The following FGF7 variants were observed in gnomAD, a reference collection of about 807,000 sequenced individuals.
The protein encoded by FGF7 is fibroblast growth factor 7.
FGF7 carries 6 observed loss-of-function variants against 20.5 expected under a neutral mutation model. That is an observed-to-expected ratio of 0.29 (90% CI 0.16 to 0.58). FGF7 has a LOEUF of 0.58. FGF7 is among the 20% of genes least tolerant of loss of function. The pLI, the probability that FGF7 is intolerant of heterozygous loss-of-function variation, is 0.90. For missense variants in FGF7, 144 were observed against 228.8 expected, an observed-to-expected ratio of 0.63 and a Z score of 2.39; for synonymous variants, 64 against 74.7, an observed-to-expected ratio of 0.86 and a Z score of 0.74.
At chr15:49,450,990 C>A (rs2052672313) in intron 2 of FGF7, among the ~76,000 whole-genome samples, 1 of 152,062 alleles carries the variant, frequency 6.6e-6, no homozygotes, top group African/African-American at 2.4e-5. Context: ...CTGGTCAGTG[C>A]CATCTGTATG....
chr15:49,457,157 T>G (rs184131103), intron 2 of FGF7, among the ~76,000 whole-genome samples: 2 of 152,230 alleles, frequency 1.3e-5, no homozygotes, highest in East Asian at 3.9e-4. Context: ...ACTAAAACTT[T>G]TAACAGTGTT....
chr15:49,429,714 T>C (rs1277957924), intron 2 of FGF7, among the ~76,000 whole-genome samples: 1 of 151,948 alleles, frequency 6.6e-6, no homozygotes, highest in Non-Finnish European at 1.5e-5. Flanking sequence ...TTTCATTAAA[T>C]TGATCTGAGG....
chr15:49,481,756 T>C (rs2055967142), intron 2 of FGF7, among the ~76,000 whole-genome samples: 1 of 152,222 alleles, frequency 6.6e-6, no homozygotes, highest in Non-Finnish European at 1.5e-5. Flanking sequence ...TATAAAAGAT[T>C]AATATCCATT....
intron 2 of FGF7, among the ~76,000 whole-genome samples, chr15:49,478,796 G>T (rs2055609883): frequency 6.6e-6 from 1 of 151,900 alleles, no homozygotes; most frequent in Non-Finnish European, 1.5e-5. Flanking sequence ...GAGATTGGTG[G>T]GCATGGATTC....
chr15:49,473,121 G>C (rs1418649930), intron 2 of FGF7, among the ~76,000 whole-genome samples: 1 of 151,928 alleles, frequency 6.6e-6, no homozygotes, highest in African/African-American at 2.4e-5. Context: ...AAACATTTTT[G>C]TATTTTTTCA....
At chr15:49,443,532 C>T (rs1415154214) in intron 2 of FGF7, among the ~76,000 whole-genome samples, 1 of 151,540 alleles carries the variant, frequency 6.6e-6, no homozygotes, top group Admixed American at 6.6e-5. Flanking sequence ...GTAGATTAAA[C>T]TTAAGGTTTA....
rs1354114106 is a variant in FGF7 at position 49,485,025 on chromosome 15, TAAACTC to T, written c.*522_*527del. The T allele has an allele frequency of 1.5e-4, 23 of 152,106 alleles. No individual in the cohort carries two copies. The highest frequency in any genetic ancestry group is 5.3e-4 in the African/African-American group (22 of 41,524). The allele number at this position is 152,106 out of a possible 1,614,324, so 9.4% of individuals were successfully genotyped here. A position where few individuals can be genotyped will look rare whatever the true frequency, so the allele number is the denominator to read the frequency against. On this transcript the variant is annotated 3_prime_UTR_variant, in exon 4 of 4. Transcript: ENST00000267843. ...TTCTAGTGAAAAATTATAATCTACT[TAAACTC>T]TAATCAGAAAAAAAATTCTCAAAAA... is the stretch of plus-strand genomic sequence containing the variant.
chr15:49,458,138 G>T (rs1394917720), intron 2 of FGF7, among the ~76,000 whole-genome samples: 2 of 151,796 alleles, frequency 1.3e-5, no homozygotes, highest in Non-Finnish European at 2.9e-5. Flanking sequence ...ACAAGTGAAG[G>T]TATTTATAAT....
intron 2 of FGF7, among the ~76,000 whole-genome samples, chr15:49,476,267 G>A (rs1413831903): frequency 1.5e-5 from 2 of 133,930 alleles, no homozygotes; most frequent in African/African-American, 2.6e-5. Context: ...ATACTGCCAG[G>A]TATCACTTAT....
At chr15:49,452,809 T>A (rs1022781717) in intron 2 of FGF7, among the ~76,000 whole-genome samples, 2 of 152,156 alleles carry the variant, frequency 1.3e-5, no homozygotes, top group African/African-American at 4.8e-5. Flanking sequence ...CAGCACAGGG[T>A]GCAGGATAAT....
chr15:49,474,960 A>T (rs1196898696), intron 2 of FGF7, among the ~76,000 whole-genome samples: 1 of 151,758 alleles, frequency 6.6e-6, no homozygotes. Context: ...AGATGAATTT[A>T]AGATAATTTG....
At chr15:49,453,741 T>G (rs189119499) in intron 2 of FGF7, among the ~76,000 whole-genome samples, 179 of 152,290 alleles carry the variant, frequency 1.2e-3, no homozygotes, top group Non-Finnish European at 2.1e-3. Flanking sequence ...TGAGCTCTTG[T>G]TACATGTATC....
chr15:49,466,751 C>A (rs945666907), intron 2 of FGF7, among the ~76,000 whole-genome samples: 2 of 152,078 alleles, frequency 1.3e-5, no homozygotes, highest in Non-Finnish European at 2.9e-5. Flanking sequence ...AGAGAGGAAA[C>A]ATAATTGTTT....
chr15:49,464,242 G>A (rs1597367659), intron 2 of FGF7, among the ~76,000 whole-genome samples: 2 of 152,100 alleles, frequency 1.3e-5, no homozygotes, highest in Admixed American at 1.3e-4. Flanking sequence ...TTTATTTCCC[G>A]AAGGATATTT....
intron 2 of FGF7, among the ~76,000 whole-genome samples, chr15:49,456,900 A>G (rs886593479): frequency 1.3e-5 from 2 of 152,128 alleles, no homozygotes; most frequent in Non-Finnish European, 2.9e-5. Context: ...TGTTAAGTGC[A>G]TTACAATTCA....
chr15:49,425,617 C>CT (rs920374192), intron 2 of FGF7: 16 of 151,894 alleles, frequency 1.1e-4, no homozygotes, highest in African/African-American at 3.9e-4. Flanking sequence ...CAGTGCCAGG[C>CT]TTGCAGCAAT....
intron 2 of FGF7, among the ~76,000 whole-genome samples, chr15:49,449,313 TG>T: frequency 6.6e-6 from 1 of 152,040 alleles, no homozygotes; most frequent in Non-Finnish European, 1.5e-5. Flanking sequence ...AATCAGTAAA[TG>T]TTTTTTACTT....
chr15:49,441,412 G>A (rs1482916554), intron 2 of FGF7, among the ~76,000 whole-genome samples: 2 of 151,662 alleles, frequency 1.3e-5, no homozygotes, highest in Non-Finnish European at 3.0e-5. Flanking sequence ...AACACAAGAT[G>A]AAGTAAAATA....
chr15:49,479,597 C>CTTTTTTTTTT (rs1567359064), intron 2 of FGF7, among the ~76,000 whole-genome samples: 2 of 102,078 alleles, frequency 2.0e-5, no homozygotes, highest in African/African-American at 4.2e-5. Flanking sequence ...GTTAATACCT[C>CTTTTTTTTTT]TGTTTTTTTT....
Sources: allele counts gnomAD v4.1 joint callset (sites outside exome capture counted in the v4.1 genomes callset), GRCh38; gene constraint gnomAD v4.1.1; transcripts MANE v1.5; gene names NCBI Gene and HGNC (gene_info 2026-07-23, HGNC 2026-07-21).